The following MIPOL1 variants were observed in gnomAD, a reference collection of about 807,000 sequenced individuals.
MIPOL1 encodes mirror-image polydactyly gene 1 protein.
A neutral mutation model predicts 60.9 loss-of-function variants in MIPOL1; 57 were observed. That is an observed-to-expected ratio of 0.94 (90% CI 0.76 to 1.17). The LOEUF is 1.17. MIPOL1 is among the 50% of genes most tolerant of loss of function. MIPOL1 has a pLI of 0.00. For missense variants in MIPOL1, 551 were observed against 511.6 expected (o/e 1.08, Z -0.74); for synonymous variants, 179 against 168.8 (o/e 1.06, Z -0.47).
intron 10 of MIPOL1, among the ~76,000 whole-genome samples, chr14:37,415,147 A>G (rs956447894): frequency 6.6e-6 from 1 of 152,172 alleles, no homozygotes; most frequent in Non-Finnish European, 1.5e-5. Context: ...TGTAAAGTTG[A>G]GGGAAACACC....
At chr14:37,343,919 A>G (rs893712294) in intron 9 of MIPOL1, among the ~76,000 whole-genome samples, 2 of 152,142 alleles carry the variant, frequency 1.3e-5, no homozygotes, top group African/African-American at 4.8e-5. Context: ...AGCTGGTATC[A>G]TGAATCCTTA....
At chr14:37,361,211 A>T (rs1223528345) in intron 9 of MIPOL1, among the ~76,000 whole-genome samples, 1 of 152,182 alleles carries the variant, frequency 6.6e-6, no homozygotes, top group Non-Finnish European at 1.5e-5. Flanking sequence ...GTTCTTTTAC[A>T]TATGCTAAGG....
chr14:37,413,062 A>G (rs1034449381), intron 10 of MIPOL1, among the ~76,000 whole-genome samples: 5 of 152,076 alleles, frequency 3.3e-5, no homozygotes, highest in Non-Finnish European at 4.4e-5. Flanking sequence ...AGAGAGTTCA[A>G]TGCCACATTG....
intron 11 of MIPOL1, among the ~76,000 whole-genome samples, chr14:37,469,686 C>T (rs1208005825): frequency 6.6e-6 from 1 of 152,150 alleles, no homozygotes; most frequent in Non-Finnish European, 1.5e-5. Flanking sequence ...AATAGGTGAT[C>T]CAGCCATGAG....
chr14:37,400,476 T>C (rs1379901839), intron 10 of MIPOL1: 1 of 152,182 alleles, frequency 6.6e-6, no homozygotes, highest in Non-Finnish European at 1.5e-5. Flanking sequence ...TATTTGAATA[T>C]ACTGGGACTG....
chr14:37,284,623 G>C (rs949078358), intron 6 of MIPOL1, among the ~76,000 whole-genome samples: 1 of 152,168 alleles, frequency 6.6e-6, no homozygotes, highest in Non-Finnish European at 1.5e-5. Flanking sequence ...GATTACAGGC[G>C]TGAGCCATTG....
chr14:37,438,685 G>T (rs1352141186), intron 11 of MIPOL1, among the ~76,000 whole-genome samples: 2 of 152,298 alleles, frequency 1.3e-5, no homozygotes, highest in East Asian at 3.9e-4. Flanking sequence ...CACAGTAAAA[G>T]AATCTGACCT....
At chr14:37,399,880 G>A (rs1300645623) in intron 10 of MIPOL1, 3 of 152,070 alleles carry the variant, frequency 2.0e-5, no homozygotes, top group African/African-American at 7.2e-5. Context: ...CCCAAACCTG[G>A]TCACCTATTG....
chr14:37,360,740 C>G (rs918749043), intron 9 of MIPOL1, among the ~76,000 whole-genome samples: 3 of 152,022 alleles, frequency 2.0e-5, no homozygotes, highest in Admixed American at 6.6e-5. Context: ...AGCAGTCTAT[C>G]AATTTTGTTG....
At chr14:37,254,019 A>T (rs1286736313) in intron 3 of MIPOL1, among the ~76,000 whole-genome samples, 1 of 151,680 alleles carries the variant, frequency 6.6e-6, no homozygotes, top group African/African-American at 2.4e-5. Flanking sequence ...ACTTATCTCC[A>T]TAGGACCTAG....
At position 37,274,785 on chromosome 14, in the gene MIPOL1, A is replaced by G. The variant is rs117936633; in HGVS notation, c.493+4260A>G. On this transcript the variant is annotated intron_variant, in intron 6 of 12. Coordinates refer to ENST00000684589, the MANE Select transcript of MIPOL1 (RefSeq NM_001388067.1). ...ATAATGTTTACGAAGTGCTTAACCC[A>G]TAGAAGGCACTCAATAAATAATAAT... 4.8e-3 allele frequency among the ~76,000 whole-genome samples: 733 copies of G among 151,404 alleles called. 6 individuals are homozygous for G. Among genetic ancestry groups the G allele is most frequent in the East Asian group, 0.024 (124 of 5,168 alleles).
At chr14:37,252,218 T>C (rs1013540070) in intron 3 of MIPOL1, among the ~76,000 whole-genome samples, 11 of 151,744 alleles carry the variant, frequency 7.2e-5, no homozygotes, top group Non-Finnish European at 7.4e-5. Context: ...TTATGTATTA[T>C]CTAAATTTAG....
Position 37,488,259 on chromosome 14 carries a change from A to C in MIPOL1, c.1032-11649A>C, listed in dbSNP as rs76100834. Among the ~76,000 whole-genome samples, 32 of 152,282 alleles carry C rather than the reference A, an allele frequency of 2.1e-4. No homozygotes were observed. The East Asian group carries it at 5.6e-3, about 27-fold the overall frequency. ...CACTTGCAATTATGTGATCAGATTT[A>C]GAATAAGTGCAATAGGTGCTGAGAA... is the stretch of plus-strand genomic sequence containing the variant. On this transcript the variant is annotated intron_variant, in intron 11 of 12. Coordinates refer to ENST00000684589, the MANE Select transcript of MIPOL1 (RefSeq NM_001388067.1).
intron 11 of MIPOL1, among the ~76,000 whole-genome samples, chr14:37,475,858 C>T (rs2094765263): frequency 6.6e-6 from 1 of 152,118 alleles, no homozygotes; most frequent in Non-Finnish European, 1.5e-5. Context: ...TAGGTGGTGT[C>T]AGTCCTCCAA....
intron 1 of MIPOL1, among the ~76,000 whole-genome samples, chr14:37,237,730 C>T (rs1340213260): frequency 6.6e-6 from 1 of 151,990 alleles, no homozygotes; most frequent in African/African-American, 2.4e-5. Flanking sequence ...ACTTTTGCAC[C>T]CAACTTGGTG....
intron 10 of MIPOL1, among the ~76,000 whole-genome samples, chr14:37,391,202 A>G (rs8004502): frequency 0.99 from 151,150 of 152,190 alleles, 75,067 homozygotes; most frequent in Middle Eastern, 1. Flanking sequence ...ATAGTGGCAC[A>G]TAAACGTAGT....
At chr14:37,347,303 CAG>C (rs1319249780) in intron 9 of MIPOL1, among the ~76,000 whole-genome samples, 1 of 151,642 alleles carries the variant, frequency 6.6e-6, no homozygotes, top group African/African-American at 2.4e-5. Context: ...AAAAGACGGA[CAG>C]AATTGAAAAA....
intron 9 of MIPOL1, among the ~76,000 whole-genome samples, chr14:37,368,472 CATA>C (rs1335746791): frequency 6.6e-6 from 1 of 151,994 alleles, no homozygotes; most frequent in Non-Finnish European, 1.5e-5. Context: ...ATGATTGTAA[CATA>C]ATAAGTAATG....
chr14:37,398,879 C>A (rs1421411980), intron 10 of MIPOL1, among the ~76,000 whole-genome samples: 1 of 152,136 alleles, frequency 6.6e-6, no homozygotes, highest in Non-Finnish European at 1.5e-5. Flanking sequence ...TTTATTTGGA[C>A]AAGATGTCAA....
Sources: allele counts gnomAD v4.1 joint callset (sites outside exome capture counted in the v4.1 genomes callset), GRCh38; gene constraint gnomAD v4.1.1; transcripts MANE v1.5; gene names NCBI Gene and HGNC (gene_info 2026-07-23, HGNC 2026-07-21).